The following SDK1 variants were observed in gnomAD, a reference collection of about 807,000 sequenced individuals.
The protein encoded by SDK1 is sidekick cell adhesion molecule 1.
Under a neutral mutation model 245.5 loss-of-function variants are expected in SDK1, and 157 were observed. The observed-to-expected ratio is 0.64, with a 90% CI of 0.56 to 0.73. SDK1 has a LOEUF of 0.73. SDK1 is among the 30% of genes least tolerant of loss of function. The probability of loss-of-function intolerance (pLI) is 0.00; values close to 1 mark genes in which losing one functional copy is unlikely to be tolerated. For missense variants in SDK1, 3,583 were observed against 3,002.3 expected (o/e 1.19, Z -4.52); for synonymous variants, 1,647 against 1,278.5 (o/e 1.29, Z -6.15).
chr7:3,807,499 C>G (rs1229620013), intron 4 of SDK1, among the ~76,000 whole-genome samples: 3 of 152,142 alleles, frequency 2.0e-5, no homozygotes, highest in Admixed American at 2.0e-4. Flanking sequence ...CTACCATAGG[C>G]CAGGCCTTTC....
intron 4 of SDK1, among the ~76,000 whole-genome samples, chr7:3,773,353 G>A (rs888862527): frequency 8.6e-5 from 13 of 150,298 alleles, no homozygotes; most frequent in Admixed American, 1.3e-4. Context: ...TATCACTTCA[G>A]TTTTTTTTTC....
intron 1 of SDK1, among the ~76,000 whole-genome samples, chr7:3,447,026 G>C (rs114046019): frequency 2.0e-5 from 3 of 152,180 alleles, no homozygotes; most frequent in Non-Finnish European, 2.9e-5. Context: ...TGGGCTTTAG[G>C]TTTCTATTTT....
chr7:3,420,834 C>T (rs1001334472), intron 1 of SDK1, among the ~76,000 whole-genome samples: 1 of 152,116 alleles, frequency 6.6e-6, no homozygotes, highest in African/African-American at 2.4e-5. Context: ...TGGTGGTTTG[C>T]TGCACCGATT....
At chr7:3,953,841 T>G (rs1217389971) in intron 7 of SDK1, among the ~76,000 whole-genome samples, 1 of 152,230 alleles carries the variant, frequency 6.6e-6, no homozygotes, top group Non-Finnish European at 1.5e-5. Flanking sequence ...AATCCCCTTT[T>G]ATTCATAAGA....
At chr7:4,057,705 C>T (rs1673695740) in intron 19 of SDK1, among the ~76,000 whole-genome samples, 1 of 152,184 alleles carries the variant, frequency 6.6e-6, no homozygotes, top group African/African-American at 2.4e-5. Flanking sequence ...AGGATTGGCC[C>T]ACCTGGTGTC....
chr7:3,677,728 T>C (rs1314216777), intron 4 of SDK1, among the ~76,000 whole-genome samples: 2 of 152,224 alleles, frequency 1.3e-5, no homozygotes, highest in Non-Finnish European at 2.9e-5. Context: ...TTTTATATCT[T>C]AATGTGATCT....
Position 3,637,015 on chromosome 7 carries a change from A to C in SDK1, c.459-1989A>C, listed in dbSNP as rs1456358423. ...GTCTGTCTAGTATCTTTGCCTTATT[A>C]AAATTAAGTTGTTTTTTTAAGCTTT... On this transcript the variant is annotated intron_variant, in intron 2 of 44. Transcript: ENST00000404826. Among the ~76,000 whole-genome samples, 4 of 151,732 alleles carry C rather than the reference A, an allele frequency of 2.6e-5. No individual in the cohort carries two copies. In the South Asian group the frequency reaches 6.2e-4, roughly 24 times the overall value.
intron 4 of SDK1, among the ~76,000 whole-genome samples, chr7:3,730,177 C>T (rs963029869): frequency 3.3e-5 from 5 of 152,234 alleles, no homozygotes; most frequent in Middle Eastern, 3.4e-3. Context: ...ACTTGGAGAA[C>T]ACTCACATCT....
intron 1 of SDK1, among the ~76,000 whole-genome samples, chr7:3,401,958 G>C (rs73052673): frequency 0.012 from 1,781 of 152,158 alleles, 18 homozygotes; most frequent in Middle Eastern, 0.037. Context: ...TGTCTTTACT[G>C]CATCTGTCGA....
intron 4 of SDK1, among the ~76,000 whole-genome samples, chr7:3,758,085 T>G (rs1779987168): frequency 6.6e-6 from 1 of 152,104 alleles, no homozygotes; most frequent in Non-Finnish European, 1.5e-5. Flanking sequence ...CAGCCCACAG[T>G]CAAGCAGAGG....
At chr7:3,476,581 T>A (rs996683580) in intron 1 of SDK1, among the ~76,000 whole-genome samples, 2 of 152,218 alleles carry the variant, frequency 1.3e-5, no homozygotes, top group African/African-American at 2.4e-5. Context: ...AGAATACATA[T>A]GTGTTTTCTA....
chr7:3,559,184 T>C (rs530665122), intron 1 of SDK1, among the ~76,000 whole-genome samples: 1 of 152,300 alleles, frequency 6.6e-6, no homozygotes, highest in African/African-American at 2.4e-5. Flanking sequence ...CATATATACT[T>C]GAAAATAAAA....
At chr7:4,185,738 G>A (rs1782851541) in intron 35 of SDK1, among the ~76,000 whole-genome samples, 1 of 152,114 alleles carries the variant, frequency 6.6e-6, no homozygotes, top group African/African-American at 2.4e-5. Flanking sequence ...TTCCATGAGG[G>A]CAGGGACCCC....
intron 5 of SDK1, among the ~76,000 whole-genome samples, chr7:3,912,025 G>T (rs896692678): frequency 6.6e-6 from 1 of 152,162 alleles, no homozygotes; most frequent in Non-Finnish European, 1.5e-5. Flanking sequence ...GTGCGGGGGC[G>T]TGCAGGGCAA....
intron 1 of SDK1, among the ~76,000 whole-genome samples, chr7:3,499,155 T>C (rs972758388): frequency 5.3e-5 from 8 of 152,216 alleles, no homozygotes; most frequent in Non-Finnish European, 1.2e-4. Flanking sequence ...AAAACCTGGC[T>C]TTCTGAATAG....
chr7:3,843,452 C>T (rs190155936), intron 5 of SDK1, among the ~76,000 whole-genome samples: 7 of 152,302 alleles, frequency 4.6e-5, no homozygotes, highest in East Asian at 1.9e-4. Context: ...TCCTATCACC[C>T]GCAAAATAGG....
rs547603046 is a variant in SDK1 at position 3,377,667 on chromosome 7, C to G, written c.298+75783C>G. Reference sequence around the variant, plus strand: ...CACACCTGAAGCTCTCCACAGAGAACTCATCCATGTTGGGTTCCTTTTTCA... The same window carrying G: ...CACACCTGAAGCTCTCCACAGAGAAGTCATCCATGTTGGGTTCCTTTTTCA... On this transcript the variant is annotated intron_variant, in intron 1 of 44. Coordinates refer to ENST00000404826, the MANE Select transcript of SDK1 (RefSeq NM_152744.4). Among the ~76,000 whole-genome samples, 21 of 152,320 alleles carry G rather than the reference C, an allele frequency of 1.4e-4. 2 individuals carry two copies. The South Asian group carries it at 4.4e-3, about 32-fold the overall frequency.
intron 1 of SDK1, among the ~76,000 whole-genome samples, chr7:3,544,309 G>A (rs575923793): frequency 5.9e-4 from 90 of 152,338 alleles, no homozygotes; most frequent in African/African-American, 1.9e-3. Context: ...ATTTAGAATA[G>A]AACATATTTT....
At chr7:4,151,833 G>C (rs1045270922) in intron 30 of SDK1, among the ~76,000 whole-genome samples, 10 of 152,202 alleles carry the variant, frequency 6.6e-5, no homozygotes, top group African/African-American at 2.4e-4. Flanking sequence ...CAGGTGCCTT[G>C]ACGTCTCTAA....
Sources: gnomAD v4.1 joint callset for allele counts (sites outside exome capture counted in the v4.1 genomes callset) on GRCh38, gnomAD v4.1.1 for gene constraint, MANE v1.5 for transcripts, NCBI Gene and HGNC (gene_info 2026-07-23, HGNC 2026-07-21) for gene names.